TAF2: variants seen among roughly 807,000 people sequenced by gnomAD.
TAF2 encodes transcription initiation factor TFIID subunit 2.
TAF2 carries 61 observed loss-of-function variants against 138.5 expected under a neutral mutation model. The ratio of observed to expected loss-of-function variants is 0.44; its 90% CI spans 0.36 to 0.54. The LOEUF (loss-of-function observed/expected upper bound fraction) is 0.54. Among genes scored for constraint, TAF2 ranks in the 20% least tolerant of loss-of-function variants. TAF2 has a pLI of 0.00. For missense variants in TAF2, 1,090 were observed against 1,427.9 expected (o/e 0.76, Z 3.81); for synonymous variants, 475 against 469.9 (o/e 1.01, Z -0.14).
At chr8:119,813,502 T>C (rs1825238287) in intron 3 of TAF2, among the ~76,000 whole-genome samples, 1 of 152,226 alleles carries the variant, frequency 6.6e-6, no homozygotes, top group South Asian at 2.1e-4. Flanking sequence ...ATGGATCTAC[T>C]GGAATGTATA....
chr8:119,753,003 T>G (rs1364904874), intron 22 of TAF2, among the ~76,000 whole-genome samples: 1 of 152,234 alleles, frequency 6.6e-6, no homozygotes, highest in African/African-American at 2.4e-5. Flanking sequence ...TAGCTCCTTT[T>G]GTTATTGATG....
At chr8:119,773,443 C>T (rs1019591469) in intron 18 of TAF2, among the ~76,000 whole-genome samples, 2 of 151,502 alleles carry the variant, frequency 1.3e-5, no homozygotes, top group African/African-American at 4.8e-5. Context: ...TCCCCACCAT[C>T]CTCTCTCAGA....
chr8:119,764,965 G>A (rs1463122580), intron 18 of TAF2, among the ~76,000 whole-genome samples: 7 of 152,058 alleles, frequency 4.6e-5, no homozygotes, highest in Admixed American at 1.3e-4. Flanking sequence ...AAAAAAATAC[G>A]TATTTTAAAT....
chr8:119,779,253 C>G (rs1379371691), intron 17 of TAF2, among the ~76,000 whole-genome samples: 1 of 147,876 alleles, frequency 6.8e-6, no homozygotes, highest in Non-Finnish European at 1.5e-5. Flanking sequence ...ACCTAAGACA[C>G]ACACACACAC....
At chr8:119,825,547 G>A (rs935124467) in intron 2 of TAF2, among the ~76,000 whole-genome samples, 1 of 152,140 alleles carries the variant, frequency 6.6e-6, no homozygotes, top group Non-Finnish European at 1.5e-5. Flanking sequence ...ATACAATTTG[G>A]CTGTGTCCCC....
At chr8:119,758,258 C>A in intron 20 of TAF2, 116 bp from the exon 21 acceptor site, 1 of 883,298 alleles carries the variant, frequency 1.1e-6, no homozygotes, top group Non-Finnish European at 1.8e-6. Flanking sequence ...GCTGAGTTTT[C>A]AATCAGAGTT....
intron 4 of TAF2, among the ~76,000 whole-genome samples, chr8:119,806,077 T>C (rs911024864): frequency 6.6e-6 from 1 of 151,922 alleles, no homozygotes; most frequent in African/African-American, 2.4e-5. Flanking sequence ...AATTTTTGTA[T>C]TTTTAGTAGA....
chr8:119,795,637 CA>C lies in TAF2; in HGVS notation c.1092-7del. ...TCAGCACCCATTCATCAGACCTAAGCAAAAAGTCAAAGCATAAATTACTTTT... is the reference window on the plus strand; with the variant it reads ...TCAGCACCCATTCATCAGACCTAAGCAAAAGTCAAAGCATAAATTACTTTT... On this transcript the variant is annotated splice_region_variant and splice_polypyrimidine_tract_variant and intron_variant, in intron 8 of 25. Transcript: ENST00000378164. 1 of 1,612,248 alleles carries C rather than the reference CA, an allele frequency of 6.2e-7. No homozygotes were observed. Among genetic ancestry groups the C allele is most frequent in the Non-Finnish European group, 8.5e-7 (1 of 1,178,636 alleles).
At chr8:119,832,200 GATA>G (rs1325121722) in intron 1 of TAF2, among the ~76,000 whole-genome samples, 1 of 151,818 alleles carries the variant, frequency 6.6e-6, no homozygotes, top group Non-Finnish European at 1.5e-5. Context: ...TACCAATTGG[GATA>G]ATTTTTTAAA....
rs1332683014 is a variant in TAF2, at chr8:119,731,418, A to G, written c.*506T>C. ...GATGCTTAGTTTCTACGTTAATACA[A>G]AAATGGTGCAATAAGGAAGAGTACT... On this transcript the variant is annotated 3_prime_UTR_variant, in exon 26 of 26. Coordinates refer to ENST00000378164, the MANE Select transcript of TAF2 (RefSeq NM_003184.4). The G allele has an allele frequency of 3.2e-5, 5 of 153,876 alleles. No individual in the cohort carries two copies. The highest frequency in any genetic ancestry group is 3.2e-4 in the Admixed American group (5 of 15,614). The allele number at this position is 153,876 out of a possible 1,614,324, so 9.5% of individuals were successfully genotyped here.
intron 2 of TAF2, among the ~76,000 whole-genome samples, chr8:119,825,905 G>A (rs1826067579): frequency 6.6e-6 from 1 of 151,266 alleles, no homozygotes; most frequent in Non-Finnish European, 1.5e-5. Context: ...TGTTAGCCAG[G>A]ATGGTCTCGA....
At chr8:119,749,955 A>G (rs1157394092) in intron 22 of TAF2, among the ~76,000 whole-genome samples, 1 of 152,216 alleles carries the variant, frequency 6.6e-6, no homozygotes, top group Non-Finnish European at 1.5e-5. Flanking sequence ...TAGAACAACA[A>G]CACTCAAGAA....
intron 3 of TAF2, among the ~76,000 whole-genome samples, chr8:119,816,698 C>G (rs1028832450): frequency 6.6e-6 from 1 of 152,148 alleles, no homozygotes; most frequent in African/African-American, 2.4e-5. Flanking sequence ...TTTTTCATAT[C>G]TAACTGCCAA....
intron 11 of TAF2, among the ~76,000 whole-genome samples, chr8:119,790,061 C>T (rs990578118): frequency 6.6e-6 from 1 of 152,010 alleles, no homozygotes; most frequent in African/African-American, 2.4e-5. Context: ...AATTAAGAAG[C>T]TAATGATACT....
At chr8:119,824,974 C>G (rs920383994) in intron 2 of TAF2, among the ~76,000 whole-genome samples, 22 of 152,250 alleles carry the variant, frequency 1.4e-4, no homozygotes, top group African/African-American at 5.3e-4. Flanking sequence ...AGGGTCCCTA[C>G]TGAGGCACCA....
chr8:119,799,504 A>G (rs1023755051), intron 6 of TAF2, among the ~76,000 whole-genome samples: 4 of 152,178 alleles, frequency 2.6e-5, no homozygotes, highest in African/African-American at 7.2e-5. Flanking sequence ...TTATGGCTGC[A>G]TAGTATTCCA....
chr8:119,740,692 AAAG>A lies in TAF2; in HGVS notation c.3337+1839_3337+1841del, dbSNP rs141250378. Among the ~76,000 whole-genome samples, 962 of 137,540 alleles carry A rather than the reference AAAG, an allele frequency of 7.0e-3. 13 individuals carry two copies. Among genetic ancestry groups the A allele is most frequent in the African/African-American group, 0.024 (910 of 37,208 alleles). 90.2% of individuals were successfully genotyped at this position (137,540 alleles called of 152,430 possible). ...AAAAAAAAAAAAAGAAAAGAAAAGA[AAAG>A]AAGAAGAAGAAGAAACTACCTATAG... On this transcript the variant is annotated intron_variant, in intron 25 of 25. Coordinates refer to ENST00000378164, the MANE Select transcript of TAF2 (RefSeq NM_003184.4).
Position 119,832,806 on chromosome 8 carries a change from A to T in TAF2, c.-242T>A. The T allele has an allele frequency of 2.1e-6, 1 of 467,470 alleles. No individual in the cohort carries two copies. The highest frequency in any genetic ancestry group is 3.8e-6 in the Non-Finnish European group (1 of 262,664). 29.0% of individuals were successfully genotyped at this position (467,470 alleles called of 1,614,324 possible). A position where few individuals can be genotyped will look rare whatever the true frequency, so the allele number is the denominator to read the frequency against. ...AGATGCTCCTCTCCGCAAGGGCTCG[A>T]AGCTACCATCCGCCGACATCTTGTC... On this transcript the variant is annotated 5_prime_UTR_variant, in exon 1 of 26. Coordinates refer to ENST00000378164, the MANE Select transcript of TAF2 (RefSeq NM_003184.4).
chr8:119,731,830 T>C lies in TAF2; in HGVS notation c.*94A>G, dbSNP rs979997580. ...AATTTCTGTAGGAGAGGCGAATCCT[T>C]TCCCCCCTCCCTTTTATAATTCTTC... is the stretch of plus-strand genomic sequence containing the variant. On this transcript the variant is annotated 3_prime_UTR_variant, in exon 26 of 26. Transcript: ENST00000378164. 43 of 1,272,524 alleles carry C rather than the reference T, an allele frequency of 3.4e-5. No homozygotes were observed. The Admixed American group carries it at 7.0e-4, about 21-fold the overall frequency. 78.8% of individuals were successfully genotyped at this position (1,272,524 alleles called of 1,614,324 possible).
Sources: allele counts gnomAD v4.1 joint callset (sites outside exome capture counted in the v4.1 genomes callset), GRCh38; gene constraint gnomAD v4.1.1; transcripts MANE v1.5; gene names NCBI Gene and HGNC (gene_info 2026-07-23, HGNC 2026-07-21).